Variants in MCPH1 observed in about 807,000 individuals in gnomAD.
The protein encoded by MCPH1 is microcephalin 1, also known as microcephalin.
Under a neutral mutation model 84.5 loss-of-function variants are expected in MCPH1, and 104 were observed. The ratio of observed to expected loss-of-function variants is 1.23; its 90% CI spans 1.05 to 1.45. The LOEUF is 1.45. Among genes scored for constraint, MCPH1 ranks in the 40% most tolerant of loss-of-function variants. The pLI, the probability that MCPH1 is intolerant of heterozygous loss-of-function variation, is 0.00. For missense variants in MCPH1, 1,498 were observed against 1,005.7 expected (o/e 1.49, Z -6.62); for synonymous variants, 514 against 366.8 (o/e 1.40, Z -4.58).
At chr8:6,427,277 A>G (rs191099878) in intron 3 of MCPH1, among the ~76,000 whole-genome samples, 48 of 152,362 alleles carry the variant, frequency 3.2e-4, no homozygotes, top group Non-Finnish European at 5.4e-4. Flanking sequence ...GTGAAGGCCT[A>G]GGACATTACT....
chr8:6,427,622 C>G (rs1268300102), intron 3 of MCPH1, among the ~76,000 whole-genome samples: 5 of 152,038 alleles, frequency 3.3e-5, no homozygotes, highest in African/African-American at 9.7e-5. Flanking sequence ...TCAAACAGTC[C>G]TCCTACCTCC....
intron 11 of MCPH1, among the ~76,000 whole-genome samples, chr8:6,485,714 G>A (rs1366139399): frequency 1.3e-5 from 2 of 152,112 alleles, no homozygotes; most frequent in Non-Finnish European, 2.9e-5. Flanking sequence ...GAAGGCTCAG[G>A]TGGCCTATGG....
chr8:6,451,463 AAGTC>A (rs1421054496), intron 8 of MCPH1, among the ~76,000 whole-genome samples: 1 of 152,248 alleles, frequency 6.6e-6, no homozygotes, highest in Non-Finnish European at 1.5e-5. Context: ...GGAAATTCAA[AAGTC>A]AGAGCAATTA....
At chr8:6,416,569 C>G (rs921899617) in intron 3 of MCPH1, among the ~76,000 whole-genome samples, 1 of 152,258 alleles carries the variant, frequency 6.6e-6, no homozygotes, top group Admixed American at 6.5e-5. Context: ...CATGACTGAT[C>G]ATCATGTGAT....
intron 3 of MCPH1, among the ~76,000 whole-genome samples, chr8:6,425,656 A>G (rs1800952218): frequency 6.6e-6 from 1 of 152,252 alleles, no homozygotes; most frequent in Admixed American, 6.5e-5. Context: ...TATGTCAGGC[A>G]CACGTTTTCC....
intron 12 of MCPH1, among the ~76,000 whole-genome samples, chr8:6,522,611 T>G (rs1263698187): frequency 2.0e-5 from 3 of 151,264 alleles, no homozygotes; most frequent in East Asian, 2.0e-4. Flanking sequence ...CTCTCTCTAC[T>G]AAAAATACAA....
chr8:6,505,396 T>TAGAATATATATATTCTTTATATACATAA lies in MCPH1; in HGVS notation c.2214+5495_2214+5522dup, dbSNP rs1563306818. Among the ~76,000 whole-genome samples, 46 of 55,766 alleles carry TAGAATATATATATTCTTTATATACATAA rather than the reference T, an allele frequency of 8.2e-4. 5 individuals carry two copies. Among genetic ancestry groups the TAGAATATATATATTCTTTATATACATAA allele is most frequent in the Non-Finnish European group, 1.1e-3 (27 of 25,066 alleles). 36.6% of individuals were successfully genotyped at this position (55,766 alleles called of 152,430 possible). On this transcript the variant is annotated intron_variant, in intron 12 of 13. Coordinates refer to ENST00000344683, the MANE Select transcript of MCPH1 (RefSeq NM_024596.5). ...TATATATATTCTTTCTATATGTATATAGAATATATATATTCTTTATATACA... is the reference window on the plus strand; with the variant it reads ...TATATATATTCTTTCTATATGTATATAGAATATATATATTCTTTATATACATAAAGAATATATATATTCTTTATATACA...
At chr8:6,577,965 CT>C in intron 12 of MCPH1, among the ~76,000 whole-genome samples, 1 of 152,292 alleles carries the variant, frequency 6.6e-6, no homozygotes, top group East Asian at 1.9e-4. Context: ...GTCCTCTTTG[CT>C]GTGTGCGATC....
intron 12 of MCPH1, among the ~76,000 whole-genome samples, chr8:6,511,829 G>C (rs2916755): frequency 6.6e-6 from 1 of 151,442 alleles, no homozygotes; most frequent in African/African-American, 2.4e-5. Context: ...TAATGTCAGC[G>C]TACAAGGGTA....
At chr8:6,511,985 C>G (rs147315191) in intron 12 of MCPH1, among the ~76,000 whole-genome samples, 15 of 151,456 alleles carry the variant, frequency 9.9e-5, no homozygotes, top group African/African-American at 3.6e-4. Flanking sequence ...AAAACACTGA[C>G]CAACCACTTG....
intron 12 of MCPH1, among the ~76,000 whole-genome samples, chr8:6,571,277 A>G (rs551271394): frequency 2.0e-5 from 3 of 152,278 alleles, no homozygotes; most frequent in African/African-American, 7.2e-5. Context: ...CATTTTTTTC[A>G]ATGGATTGAT....
intron 13 of MCPH1, chr8:6,642,689 C>T (rs1798011327): frequency 4.4e-6 from 2 of 457,616 alleles, no homozygotes. Context: ...GACTGGCAAG[C>T]TTCCCACCCT....
intron 12 of MCPH1, among the ~76,000 whole-genome samples, chr8:6,553,488 C>A (rs918655397): frequency 6.6e-6 from 1 of 152,108 alleles, no homozygotes; most frequent in Non-Finnish European, 1.5e-5. Flanking sequence ...CACACGTCAA[C>A]ATTTTTTTAA....
At chr8:6,426,759 A>G (rs1459396007) in intron 3 of MCPH1, among the ~76,000 whole-genome samples, 1 of 152,130 alleles carries the variant, frequency 6.6e-6, no homozygotes, top group Non-Finnish European at 1.5e-5. Flanking sequence ...CGTCTTCACC[A>G]ATAGTTGAAA....
At chr8:6,462,697 A>G (rs1806413166) in intron 9 of MCPH1, among the ~76,000 whole-genome samples, 1 of 152,178 alleles carries the variant, frequency 6.6e-6, no homozygotes, top group African/African-American at 2.4e-5. Context: ...AAATTACTTA[A>G]TATCTGTGCC....
intron 13 of MCPH1, chr8:6,626,209 G>T: frequency 2.0e-6 from 2 of 985,380 alleles, no homozygotes; most frequent in Non-Finnish European, 2.4e-6. Flanking sequence ...CACCTTGCTG[G>T]CATAGAACAG....
chr8:6,420,742 T>G (rs1800057917), intron 3 of MCPH1, among the ~76,000 whole-genome samples: 1 of 152,240 alleles, frequency 6.6e-6, no homozygotes, highest in African/African-American at 2.4e-5. Flanking sequence ...TTCATTTTGT[T>G]TCTTATACAT....
intron 12 of MCPH1, among the ~76,000 whole-genome samples, chr8:6,603,941 A>T (rs1474159108): frequency 6.6e-6 from 1 of 152,152 alleles, no homozygotes; most frequent in East Asian, 1.9e-4. Context: ...TGGTGAAGAT[A>T]TCAGAGTTAT....
chr8:6,469,591 C>G (rs980621027), intron 9 of MCPH1, among the ~76,000 whole-genome samples: 27 of 152,252 alleles, frequency 1.8e-4, no homozygotes, highest in Middle Eastern at 3.4e-3. Context: ...GGTTAATAAT[C>G]TTTGTGAATA....
Sources: allele counts gnomAD v4.1 joint callset (sites outside exome capture counted in the v4.1 genomes callset), GRCh38; gene constraint gnomAD v4.1.1; transcripts MANE v1.5; gene names NCBI Gene and HGNC (gene_info 2026-07-23, HGNC 2026-07-21).